Variants in CSMD1 observed in about 807,000 individuals in gnomAD.
CSMD1 encodes CUB and Sushi multiple domains 1, also known as CUB and sushi domain-containing protein 1.
In CSMD1, 213 loss-of-function variants were observed where a neutral mutation model predicts 417.5. The observed-to-expected ratio is 0.51, with a 90% CI of 0.46 to 0.57. The LOEUF (loss-of-function observed/expected upper bound fraction) is 0.57. Among genes scored for constraint, CSMD1 ranks in the 20% least tolerant of loss-of-function variants. The probability of loss-of-function intolerance (pLI) is 0.00; values close to 1 mark genes in which losing one functional copy is unlikely to be tolerated. For missense variants in CSMD1, 6,923 were observed against 4,529.7 expected (o/e 1.53, Z -15.17); for synonymous variants, 2,862 against 1,736.8 (o/e 1.65, Z -16.11).
intron 3 of CSMD1, among the ~76,000 whole-genome samples, chr8:4,161,000 T>C (rs974239341): frequency 6.6e-6 from 1 of 152,206 alleles, no homozygotes; most frequent in Non-Finnish European, 1.5e-5. Context: ...GTGATCACTT[T>C]GTCCTTCTTC....
intron 27 of CSMD1, among the ~76,000 whole-genome samples, chr8:3,229,326 G>A (rs2116900714): frequency 6.6e-6 from 1 of 152,208 alleles, no homozygotes; most frequent in African/African-American, 2.4e-5. Flanking sequence ...TTCTTTTTAA[G>A]ACTTAGATGA....
Position 3,188,880 on chromosome 8 carries a change from G to C in CSMD1, c.5523+7C>G. 6.4e-7 allele frequency: 1 copy of C among 1,555,292 alleles called. No homozygotes were observed. The highest frequency in any genetic ancestry group is 8.7e-7 in the Non-Finnish European group (1 of 1,149,298). ...CCTGTTGTAGACTGTGGACTTCAAG[G>C]ACTCACCTGAATTCCCGAGCCCTCC... On this transcript the variant is annotated splice_region_variant and intron_variant, in intron 35 of 69. Transcript: ENST00000635120.
intron 2 of CSMD1, among the ~76,000 whole-genome samples, chr8:4,618,578 A>G (rs1801607227): frequency 6.6e-6 from 1 of 152,008 alleles, no homozygotes; most frequent in African/African-American, 2.4e-5. Context: ...CTTCTCCTGG[A>G]TCCAACAAAT....
At chr8:3,761,095 G>T (rs1012805286) in intron 5 of CSMD1, among the ~76,000 whole-genome samples, 1 of 152,052 alleles carries the variant, frequency 6.6e-6, no homozygotes, top group African/African-American at 2.4e-5. Flanking sequence ...TTTTGAATTG[G>T]CTGTTACTCA....
Position 2,997,889 on chromosome 8 carries a change from T to C in CSMD1, c.8377+122A>G, listed in dbSNP as rs1807052958. 3 of 895,308 alleles carry C rather than the reference T, an allele frequency of 3.4e-6. No individual in the cohort carries two copies. In the East Asian group the frequency reaches 8.8e-5, roughly 26 times the overall value. The allele number at this position is 895,308 out of a possible 1,614,324, so 55.5% of individuals were successfully genotyped here. On this transcript the variant is annotated intron_variant, in intron 54 of 69. Transcript: ENST00000635120. ...CAGAAATGCTTTCACACCTGAATGG[T>C]GAGAGTTTGCAGAACTCTTTATGCA...
At position 4,796,397 on chromosome 8, in the gene CSMD1, G is replaced by C. The variant is rs1293552132; in HGVS notation, c.86-158839C>G. Among the ~76,000 whole-genome samples the C allele has an allele frequency of 2.0e-5, 3 of 151,880 alleles. No individual in the cohort carries two copies. The South Asian group carries it at 6.3e-4, about 32-fold the overall frequency. ...TTTATTCCTGATCTCCCTGTCTAAG[G>C]GCATTTACTTTAGGAAACTTGCATT... On this transcript the variant is annotated intron_variant, in intron 1 of 69. Transcript: ENST00000635120.
At chr8:4,675,067 G>C (rs774191733) in intron 1 of CSMD1, among the ~76,000 whole-genome samples, 1 of 152,178 alleles carries the variant, frequency 6.6e-6, no homozygotes, top group Non-Finnish European at 1.5e-5. Context: ...CCAGAACTGC[G>C]AGGAATAAAT....
chr8:3,246,992 G>A (rs1195018739), intron 26 of CSMD1, among the ~76,000 whole-genome samples: 2 of 152,210 alleles, frequency 1.3e-5, no homozygotes, highest in Non-Finnish European at 1.5e-5. Context: ...TAAGGCAAGA[G>A]TTATTACCTT....
At chr8:4,528,285 A>G (rs1388715468) in intron 2 of CSMD1, among the ~76,000 whole-genome samples, 1 of 152,166 alleles carries the variant, frequency 6.6e-6, no homozygotes, top group African/African-American at 2.4e-5. Flanking sequence ...CTACCTCTCT[A>G]GAGAGCCATC....
intron 3 of CSMD1, among the ~76,000 whole-genome samples, chr8:4,197,538 C>A (rs1341341771): frequency 1.3e-5 from 2 of 152,146 alleles, no homozygotes; most frequent in Non-Finnish European, 2.9e-5. Context: ...TGATGGTCTT[C>A]CAACTAAAAC....
chr8:3,808,715 A>T (rs2128073), intron 5 of CSMD1, among the ~76,000 whole-genome samples: 2,241 of 152,262 alleles, frequency 0.015, 47 homozygotes, highest in East Asian at 0.038. Flanking sequence ...CACTTGCGTA[A>T]ACTTTCAACT....
At chr8:3,924,854 A>T (rs2912277) in intron 5 of CSMD1, among the ~76,000 whole-genome samples, 68,861 of 151,924 alleles carry the variant, frequency 0.45, 15,967 homozygotes, top group East Asian at 0.73. Context: ...AGGCGGTTCA[A>T]AAATTCTCAT....
intron 6 of CSMD1, among the ~76,000 whole-genome samples, chr8:3,738,526 G>A (rs923964657): frequency 2.6e-5 from 4 of 152,148 alleles, no homozygotes; most frequent in Non-Finnish European, 4.4e-5. Context: ...TGCAAATACT[G>A]GTCCTGCCGC....
At chr8:4,929,781 G>C (rs1168697927) in intron 1 of CSMD1, among the ~76,000 whole-genome samples, 1 of 152,142 alleles carries the variant, frequency 6.6e-6, no homozygotes, top group Non-Finnish European at 1.5e-5. Flanking sequence ...GGAGATGATG[G>C]TGGGAGAGAG....
chr8:4,620,147 A>G (rs1801689818), intron 2 of CSMD1, among the ~76,000 whole-genome samples: 1 of 151,892 alleles, frequency 6.6e-6, no homozygotes. Context: ...TTTTAAGAGT[A>G]GGACTATAAA....
chr8:4,236,302 C>A (rs1314828666), intron 3 of CSMD1, among the ~76,000 whole-genome samples: 1 of 151,918 alleles, frequency 6.6e-6, no homozygotes, highest in African/African-American at 2.4e-5. Flanking sequence ...GAAACTAGAA[C>A]GCAGGAAACA....
rs766722413 is a variant in CSMD1 at position 4,320,367 on chromosome 8, T to A, written c.415+99586A>T. Among the ~76,000 whole-genome samples the A allele has an allele frequency of 1.6e-3, 249 of 152,294 alleles. 1 individual carries two copies. The highest frequency in any genetic ancestry group is 6.8e-3 in the Middle Eastern group (2 of 294). On this transcript the variant is annotated intron_variant, in intron 3 of 69. Transcript: ENST00000635120. The stretch of plus-strand genomic sequence containing the variant: ...CATCACACAAATAAACCTTTTTTAT[T>A]ATTATTATACTTTAAGTTGTGAGGG...
chr8:4,014,757 G>A (rs1008053793), intron 4 of CSMD1, among the ~76,000 whole-genome samples: 4 of 152,072 alleles, frequency 2.6e-5, no homozygotes, highest in African/African-American at 9.7e-5. Flanking sequence ...CACAAAGAAG[G>A]GCATTTACCT....
intron 5 of CSMD1, among the ~76,000 whole-genome samples, chr8:3,829,236 T>G (rs12334348): frequency 0.36 from 55,344 of 151,956 alleles, 10,323 homozygotes; most frequent in Non-Finnish European, 0.39. Flanking sequence ...TGCCTTTGCA[T>G]CCTCATAGCT....
Sources: allele counts gnomAD v4.1 joint callset (sites outside exome capture counted in the v4.1 genomes callset), GRCh38; gene constraint gnomAD v4.1.1; transcripts MANE v1.5; gene names NCBI Gene and HGNC (gene_info 2026-07-23, HGNC 2026-07-21).